The following RBPJ variants were observed in gnomAD, a reference collection of about 807,000 sequenced individuals.
RBPJ encodes recombining binding protein suppressor of hairless.
Under a neutral mutation model 67.8 loss-of-function variants are expected in RBPJ, and 9 were observed. The ratio of observed to expected loss-of-function variants is 0.13; its 90% CI spans 0.08 to 0.23. The LOEUF (loss-of-function observed/expected upper bound fraction) is 0.23, where lower values mean the gene tolerates loss of function less well. Ranked by LOEUF, RBPJ falls within the 10% of genes least tolerant of loss-of-function variation. RBPJ has a pLI of 1.00. For synonymous variants in RBPJ, 198 were observed against 203.3 expected (o/e 0.97, Z 0.22); for missense variants, 305 against 595.6 (o/e 0.51, Z 5.08).
At chr4:26,147,414 G>A in the RBPJ span, among the ~76,000 whole-genome samples, 4 of 152,122 alleles carry the variant, frequency 2.6e-5, no homozygotes, top group East Asian at 3.9e-4. Flanking sequence ...TTTTGCCCCC[G>A]CAAAACAAGG....
intron 1 of RBPJ, among the ~76,000 whole-genome samples, chr4:26,234,684 CTTATTTAT>C (rs56961547): frequency 1.5e-3 from 223 of 151,562 alleles, no homozygotes; most frequent in African/African-American, 5.0e-3. Flanking sequence ...ATCTTATTTT[CTTATTTAT>C]TTATTTATTT....
chr4:26,250,916 T>C (rs577321693), intron 1 of RBPJ, among the ~76,000 whole-genome samples: 58 of 152,220 alleles, frequency 3.8e-4, no homozygotes, highest in Non-Finnish European at 6.6e-4. Flanking sequence ...AGTATTATAT[T>C]CTGTGGAAGT....
intron 1 of RBPJ, among the ~76,000 whole-genome samples, chr4:26,178,009 T>C (rs1716856213): frequency 6.6e-6 from 1 of 152,244 alleles, no homozygotes; most frequent in Non-Finnish European, 1.5e-5. Flanking sequence ...GATGGATAGA[T>C]TGAAAATGGC....
intron 1 of RBPJ, among the ~76,000 whole-genome samples, chr4:26,236,087 T>C (rs1719440966): frequency 1.3e-5 from 2 of 152,216 alleles, no homozygotes; most frequent in Non-Finnish European, 2.9e-5. Context: ...ATCAGCACAC[T>C]GAATAAATGA....
At chr4:26,163,021 A>G (rs528153154), upstream of RBPJ, among the ~76,000 whole-genome samples, 1 of 152,334 alleles carries the variant, frequency 6.6e-6, no homozygotes, top group South Asian at 2.1e-4. Flanking sequence ...GTGACATGGT[A>G]CATGACATCA....
intron 1 of RBPJ, among the ~76,000 whole-genome samples, chr4:26,243,610 A>T (rs1719721950): frequency 6.6e-6 from 1 of 152,252 alleles, no homozygotes; most frequent in South Asian, 2.1e-4. Context: ...CTATAAAATC[A>T]TGCATGGGTA....
chr4:26,197,622 C>T (rs781375129), intron 1 of RBPJ, among the ~76,000 whole-genome samples: 4 of 152,142 alleles, frequency 2.6e-5, no homozygotes, highest in African/African-American at 4.8e-5. Context: ...CAAACAACAA[C>T]GGATGATTCA....
chr4:26,249,037 C>A (rs565828336), intron 1 of RBPJ, among the ~76,000 whole-genome samples: 157 of 152,264 alleles, frequency 1.0e-3, no homozygotes, highest in African/African-American at 3.3e-3. Context: ...CATCTTCCTA[C>A]AGGTGTAGTA....
chr4:26,111,322 G>C, the RBPJ span, among the ~76,000 whole-genome samples: 1 of 152,096 alleles, frequency 6.6e-6, no homozygotes, highest in African/African-American at 2.4e-5. Context: ...TCCTCACTAG[G>C]TTCCAGGTGA....
intron 2 of RBPJ, among the ~76,000 whole-genome samples, chr4:26,393,317 A>G (rs1274182259): frequency 1.3e-5 from 2 of 152,206 alleles, no homozygotes; most frequent in Non-Finnish European, 1.5e-5. Flanking sequence ...ATTAAGCACA[A>G]ACTTGGAAAT....
intron 1 of RBPJ, among the ~76,000 whole-genome samples, chr4:26,253,289 T>C (rs750774328): frequency 2.0e-5 from 3 of 150,430 alleles, no homozygotes; most frequent in Non-Finnish European, 4.4e-5. Flanking sequence ...TTTTATCAGA[T>C]ATCTTAATCT....
At chr4:26,225,076 A>G (rs1197233408) in intron 1 of RBPJ, among the ~76,000 whole-genome samples, 2 of 152,240 alleles carry the variant, frequency 1.3e-5, no homozygotes, top group Non-Finnish European at 2.9e-5. Flanking sequence ...ATATATTAAG[A>G]AAAGATTTCC....
intron 1 of RBPJ, among the ~76,000 whole-genome samples, chr4:26,248,899 A>G (rs1387207608): frequency 1.3e-5 from 2 of 152,216 alleles, no homozygotes; most frequent in East Asian, 3.8e-4. Context: ...CATTATGTCA[A>G]AACAGTTTTA....
upstream of RBPJ, among the ~76,000 whole-genome samples, chr4:26,161,463 A>G (rs1252015861): frequency 6.6e-6 from 1 of 152,246 alleles, no homozygotes; most frequent in African/African-American, 2.4e-5. Flanking sequence ...TGTGAGGCTT[A>G]GAGGCTGTAC....
At chr4:26,288,409 C>T (rs1001770514) in intron 1 of RBPJ, among the ~76,000 whole-genome samples, 3 of 152,158 alleles carry the variant, frequency 2.0e-5, no homozygotes, top group Admixed American at 6.5e-5. Flanking sequence ...TGTTTGAGTG[C>T]CCCTCTGGCA....
intron 1 of RBPJ, among the ~76,000 whole-genome samples, chr4:26,296,220 A>G (rs1038665386): frequency 2.6e-5 from 4 of 152,232 alleles, no homozygotes; most frequent in African/African-American, 9.6e-5. Context: ...TATTTGGCAC[A>G]GCAATCTCCC....
At chr4:26,210,305 T>C (rs903611554) in intron 1 of RBPJ, among the ~76,000 whole-genome samples, 3 of 152,180 alleles carry the variant, frequency 2.0e-5, no homozygotes, top group Non-Finnish European at 2.9e-5. Context: ...TCCTCTTCAC[T>C]AAACCTCTAG....
rs1236720033 is a variant in RBPJ at position 26,431,875 on chromosome 4, TC to T, written c.*869del. ...GACTTATTGTGGTTATCTGAGAGGT[TC>T]TAACATTCACATGCAATTTGGTGTG... On this transcript the variant is annotated 3_prime_UTR_variant, in exon 11 of 11. Coordinates refer to ENST00000355476, the MANE Select transcript of RBPJ (RefSeq NM_015874.6). The T allele has an allele frequency of 1.3e-5, 2 of 152,336 alleles. No individual in the cohort carries two copies. The highest frequency in any genetic ancestry group is 3.9e-4 in the East Asian group (2 of 5,194). The allele number at this position is 152,336 out of a possible 1,614,324, so 9.4% of individuals were successfully genotyped here.
intron 1 of RBPJ, among the ~76,000 whole-genome samples, chr4:26,279,085 G>A (rs1041536576): frequency 2.0e-5 from 3 of 152,124 alleles, no homozygotes; most frequent in Admixed American, 1.3e-4. Context: ...TAATACACAT[G>A]AAGCACCCAG....
Sources: gnomAD v4.1 joint callset for allele counts (sites outside exome capture counted in the v4.1 genomes callset) on GRCh38, gnomAD v4.1.1 for gene constraint, MANE v1.5 for transcripts, NCBI Gene and HGNC (gene_info 2026-07-23, HGNC 2026-07-21) for gene names.